NRG3: variants seen among roughly 807,000 people sequenced by gnomAD.
NRG3 encodes neuregulin 3.
In NRG3, 31 loss-of-function variants were observed where a neutral mutation model predicts 66.9. The observed-to-expected ratio is 0.46, with a 90% CI of 0.35 to 0.63. The LOEUF (loss-of-function observed/expected upper bound fraction) is 0.63. Among genes scored for constraint, NRG3 ranks in the 20% least tolerant of loss-of-function variants. The probability of loss-of-function intolerance (pLI) is 0.00; values close to 1 mark genes in which losing one functional copy is unlikely to be tolerated. For synonymous variants in NRG3, 393 were observed against 359.4 expected (o/e 1.09, Z -1.06); for missense variants, 910 against 878.9 (o/e 1.04, Z -0.45).
intron 3 of NRG3, among the ~76,000 whole-genome samples, chr10:82,839,301 C>A (rs192923989): frequency 3.6e-4 from 54 of 152,092 alleles, no homozygotes; most frequent in Admixed American, 6.6e-4. Flanking sequence ...CTTTTTGGGT[C>A]AGGAAAACAT....
At chr10:82,385,091 T>G (rs534102855) in intron 2 of NRG3, among the ~76,000 whole-genome samples, 1 of 152,234 alleles carries the variant, frequency 6.6e-6, no homozygotes, top group East Asian at 1.9e-4. Context: ...TTTATTTATG[T>G]TTGTTGGCCA....
intron 1 of NRG3, among the ~76,000 whole-genome samples, chr10:82,050,798 T>TACTCTCTGCCTCTCCAGCCATGCCTCC: frequency 6.7e-6 from 1 of 148,992 alleles, no homozygotes; most frequent in Non-Finnish European, 1.5e-5. Context: ...AGACTCCTCC[T>TACTCTCTGCCTCTCCAGCCATGCCTCC]ACTCTCTGTC....
intron 6 of NRG3, among the ~76,000 whole-genome samples, chr10:82,969,614 C>T (rs1851546143): frequency 6.6e-6 from 1 of 152,218 alleles, no homozygotes; most frequent in South Asian, 2.1e-4. Context: ...GTCATTACTG[C>T]CACTATGTGG....
chr10:82,529,576 A>C (rs1043618641), intron 2 of NRG3, among the ~76,000 whole-genome samples: 1 of 152,196 alleles, frequency 6.6e-6, no homozygotes, highest in Admixed American at 6.5e-5. Context: ...CAGTAGCTCA[A>C]ATAAACAGAA....
At chr10:82,334,330 G>A (rs1268534988) in intron 1 of NRG3, among the ~76,000 whole-genome samples, 1 of 152,064 alleles carries the variant, frequency 6.6e-6, no homozygotes, top group East Asian at 1.9e-4. Flanking sequence ...TGTGTATCAG[G>A]AGTTGCCTTT....
chr10:82,509,964 C>T (rs749054421), intron 2 of NRG3, among the ~76,000 whole-genome samples: 16 of 152,104 alleles, frequency 1.1e-4, no homozygotes, highest in African/African-American at 2.2e-4. Context: ...CCTGTTTTCT[C>T]GCAGACAAGG....
chr10:82,949,431 G>A (rs1849313198), intron 4 of NRG3, among the ~76,000 whole-genome samples: 1 of 151,776 alleles, frequency 6.6e-6, no homozygotes, highest in African/African-American at 2.4e-5. Flanking sequence ...TCAGTGATGA[G>A]AAGCCCCCGA....
intron 6 of NRG3, among the ~76,000 whole-genome samples, chr10:82,963,317 C>A (rs912833545): frequency 6.6e-6 from 1 of 152,212 alleles, no homozygotes; most frequent in Non-Finnish European, 1.5e-5. Context: ...TAAATACATG[C>A]TCCCATCAGC....
intron 1 of NRG3, among the ~76,000 whole-genome samples, chr10:82,182,204 CTA>C (rs2073473343): frequency 6.6e-6 from 1 of 150,986 alleles, no homozygotes; most frequent in East Asian, 1.9e-4. Context: ...CTCTGCCACT[CTA>C]TGTCTTCTGA....
At chr10:82,979,201 G>T (rs1852595867) in intron 8 of NRG3, 81 bp downstream of exon 8, 1 of 1,403,890 alleles carries the variant, frequency 7.1e-7, no homozygotes. Flanking sequence ...GTTCCTTGGG[G>T]TTTTATTCAT....
intron 1 of NRG3, among the ~76,000 whole-genome samples, chr10:81,919,090 T>C (rs1043371270): frequency 3.3e-5 from 5 of 152,138 alleles, no homozygotes; most frequent in African/African-American, 1.2e-4. Flanking sequence ...GTAATAAATA[T>C]TTTTAAATTC....
intron 2 of NRG3, among the ~76,000 whole-genome samples, chr10:82,578,705 G>A (rs2046180035): frequency 6.6e-6 from 1 of 151,628 alleles, no homozygotes; most frequent in Admixed American, 6.6e-5. Flanking sequence ...GGCATACACT[G>A]GTGCCTAATG....
At chr10:82,192,622 G>A (rs1205951687) in intron 1 of NRG3, among the ~76,000 whole-genome samples, 1 of 152,044 alleles carries the variant, frequency 6.6e-6, no homozygotes, top group Non-Finnish European at 1.5e-5. Context: ...TTGACTTCCT[G>A]CATCCCATTG....
At chr10:82,349,624 C>G (rs768780758) in intron 1 of NRG3, among the ~76,000 whole-genome samples, 41 of 151,988 alleles carry the variant, frequency 2.7e-4, no homozygotes, top group Non-Finnish European at 5.3e-4. Flanking sequence ...CTTTGTTTAC[C>G]TAAGCAAGCC....
chr10:82,401,110 A>G (rs2087067975), intron 2 of NRG3, among the ~76,000 whole-genome samples: 1 of 152,158 alleles, frequency 6.6e-6, no homozygotes, highest in Non-Finnish European at 1.5e-5. Context: ...TGGAATGCAG[A>G]ATATCTATGA....
intron 2 of NRG3, among the ~76,000 whole-genome samples, chr10:82,589,527 A>G (rs904359901): frequency 2.6e-5 from 4 of 152,092 alleles, no homozygotes; most frequent in African/African-American, 9.7e-5. Flanking sequence ...TTGCTAAAAA[A>G]CTGGTAATGA....
chr10:81,975,994 TTTTCTTGAGA>T (rs1162866937), intron 1 of NRG3, among the ~76,000 whole-genome samples: 1 of 152,158 alleles, frequency 6.6e-6, no homozygotes, highest in Non-Finnish European at 1.5e-5. Flanking sequence ...AAACAGAATC[TTTTCTTGAGA>T]TTTCAGAAGG....
chr10:81,974,161 A>G (rs2224110), intron 1 of NRG3, among the ~76,000 whole-genome samples: 73,528 of 151,926 alleles, frequency 0.48, 22,848 homozygotes, highest in African/African-American at 0.85. Flanking sequence ...TTATTGAATA[A>G]GGTGTCCTTT....
chr10:82,019,170 C>T (rs1001398722), intron 1 of NRG3, among the ~76,000 whole-genome samples: 1 of 152,096 alleles, frequency 6.6e-6, no homozygotes, highest in Non-Finnish European at 1.5e-5. Flanking sequence ...TGTCAGAGGC[C>T]TTTTCTGCAT....
Sources: gnomAD v4.1 joint callset for allele counts (sites outside exome capture counted in the v4.1 genomes callset) on GRCh38, gnomAD v4.1.1 for gene constraint, MANE v1.5 for transcripts, NCBI Gene and HGNC (gene_info 2026-07-23, HGNC 2026-07-21) for gene names.